The following USP44 variants were observed in gnomAD, a reference collection of about 807,000 sequenced individuals.
The protein encoded by USP44 is ubiquitin specific peptidase 44.
A neutral mutation model predicts 69.0 loss-of-function variants in USP44; 61 were observed. The observed-to-expected ratio is 0.88, with a 90% confidence interval of 0.72 to 1.09. The LOEUF is 1.09. Among genes scored for constraint, USP44 ranks in the 50% least tolerant of loss-of-function variants. USP44 has a pLI of 0.00. For synonymous variants in USP44, 297 were observed against 295.4 expected (o/e 1.01, Z -0.06); for missense variants, 753 against 849.9 (o/e 0.89, Z 1.42).
At chr12:95,521,856 C>T (rs1322843069) in intron 4 of USP44, among the ~76,000 whole-genome samples, 1 of 152,122 alleles carries the variant, frequency 6.6e-6, no homozygotes, top group African/African-American at 2.4e-5. Context: ...ATGGGAGCTA[C>T]AATCTGGATC....
rs543002189 is a variant in USP44 at position 95,542,962 on chromosome 12, C to G, written c.-71+8310G>C. Among the ~76,000 whole-genome samples the G allele has an allele frequency of 5.3e-5, 8 of 151,338 alleles. No individual in the cohort carries two copies. In the South Asian group the frequency reaches 1.7e-3, roughly 32 times the overall value. ...AATTAGCCAGGTATGGTGGTGGGCGCCTGTAGTCCCAGCTACTCAGGAGGC... is the reference window on the plus strand; with the variant it reads ...AATTAGCCAGGTATGGTGGTGGGCGGCTGTAGTCCCAGCTACTCAGGAGGC... On this transcript the variant is annotated intron_variant, in intron 1 of 5. Transcript: ENST00000258499.
intron 4 of USP44, among the ~76,000 whole-genome samples, chr12:95,523,117 G>A (rs1473301077): frequency 2.0e-5 from 3 of 152,134 alleles, no homozygotes; most frequent in Non-Finnish European, 4.4e-5. Flanking sequence ...CACAAGCCAT[G>A]CCCTACACAT....
intron 1 of USP44, among the ~76,000 whole-genome samples, chr12:95,544,247 G>A (rs2077500146): frequency 1.3e-5 from 2 of 151,618 alleles, no homozygotes; most frequent in South Asian, 4.2e-4. Flanking sequence ...AGTAGAGACA[G>A]GGTTTCACTG....
chr12:95,518,052 GTA>G lies in USP44; in HGVS notation c.*100_*101del. On this transcript the variant is annotated 3_prime_UTR_variant, in exon 6 of 6. Transcript: ENST00000258499. Reference sequence around the variant, plus strand: ...GTTAGATATAAAATGTATAAATGTAGTATACACTGATTCACAAGAAAAAATGA... The same window carrying G: ...GTTAGATATAAAATGTATAAATGTAGTACACTGATTCACAAGAAAAAATGA... The G allele has an allele frequency of 8.0e-7, 1 of 1,256,826 alleles. No individual in the cohort carries two copies. The highest frequency in any genetic ancestry group is 2.5e-5 in the East Asian group (1 of 40,636). The allele number at this position is 1,256,826 out of a possible 1,614,324, so 77.9% of individuals were successfully genotyped here. A position where few individuals can be genotyped will look rare whatever the true frequency, so the allele number is the denominator to read the frequency against.
chr12:95,530,748 C>T (rs1158707869), intron 2 of USP44, among the ~76,000 whole-genome samples: 2 of 152,082 alleles, frequency 1.3e-5, no homozygotes, highest in Non-Finnish European at 2.9e-5. Flanking sequence ...AGAAGTCTTA[C>T]TCTGACAAAG....
At position 95,528,999 on chromosome 12, in the gene USP44, T is replaced by C. The variant is rs776605558; in HGVS notation, c.1432A>G (p.Thr478Ala). 1.2e-6 allele frequency: 2 copies of C among 1,608,128 alleles called. No homozygotes were observed. Among genetic ancestry groups the C allele is most frequent in the Non-Finnish European group, 1.7e-6 (2 of 1,177,078 alleles). Residue 478 changes from threonine (T) to alanine (A), a missense_variant, in exon 3 of 6, where the codon ACA becomes GCA. Transcript: ENST00000258499. ...GATTTGTTGTCACATGCAAGACATG[T>C]AACCTGCAAATGAGAATATGAGTTC... is the stretch of plus-strand genomic sequence containing the variant. ...IFHGQLLSQVTCLACDNKSNT... is the reference protein window; with the variant it reads ...IFHGQLLSQVACLACDNKSNT...
chr12:95,535,869 C>T (rs1457059946), intron 1 of USP44, among the ~76,000 whole-genome samples: 1 of 152,010 alleles, frequency 6.6e-6, no homozygotes. Context: ...TTCAACGGTA[C>T]CTGCAAGTGC....
At chr12:95,519,981 C>T (rs1428260876) in intron 5 of USP44, among the ~76,000 whole-genome samples, 1 of 124,828 alleles carries the variant, frequency 8.0e-6, no homozygotes. Flanking sequence ...GTACTCTAGC[C>T]CAGGGGAAAG....
chr12:95,527,904 T>C (rs1409722471), intron 3 of USP44, among the ~76,000 whole-genome samples: 1 of 141,078 alleles, frequency 7.1e-6, no homozygotes, highest in East Asian at 2.2e-4. Flanking sequence ...AGTGGCACAA[T>C]CTCAGCTCAC....
At chr12:95,543,451 A>C (rs1435457568) in intron 1 of USP44, among the ~76,000 whole-genome samples, 2 of 151,432 alleles carry the variant, frequency 1.3e-5, no homozygotes, top group African/African-American at 4.8e-5. Flanking sequence ...GAAAATAGTA[A>C]GTCCCAAACT....
At chr12:95,518,659 G>T (rs1381906255) in intron 5 of USP44, among the ~76,000 whole-genome samples, 1 of 152,096 alleles carries the variant, frequency 6.6e-6, no homozygotes, top group Non-Finnish European at 1.5e-5. Context: ...CCAAAATCTG[G>T]CCAGGCATGG....
chr12:95,547,981 A>C (rs2077627274), intron 1 of USP44: 1 of 152,160 alleles, frequency 6.6e-6, no homozygotes, highest in Non-Finnish European at 1.5e-5. Context: ...ATGGTGTCTT[A>C]CCTACTCTTA....
At chr12:95,524,216 G>A (rs1298763650) in intron 4 of USP44, among the ~76,000 whole-genome samples, 2 of 151,922 alleles carry the variant, frequency 1.3e-5, no homozygotes, top group Non-Finnish European at 2.9e-5. Context: ...GAGCAGCTAG[G>A]ATTACAGGCA....
chr12:95,519,320 T>C (rs1304873840), intron 5 of USP44, among the ~76,000 whole-genome samples: 1 of 152,098 alleles, frequency 6.6e-6, no homozygotes, highest in Non-Finnish European at 1.5e-5. Flanking sequence ...ATGAATTTCA[T>C]GTCTAAACCT....
At chr12:95,519,786 A>T (rs12813389) in intron 5 of USP44, among the ~76,000 whole-genome samples, 94,490 of 148,222 alleles carry the variant, frequency 0.64, 31,209 homozygotes, top group African/African-American at 0.81. Flanking sequence ...ACGCCTGTAA[A>T]CCCGGCACTT....
intron 1 of USP44, among the ~76,000 whole-genome samples, chr12:95,549,417 G>T (rs2077682531): frequency 1.3e-5 from 2 of 152,064 alleles, no homozygotes; most frequent in Admixed American, 1.3e-4. Context: ...TTTAAATAAT[G>T]AAGTACATAC....
chr12:95,529,741 T>A (rs941755089), intron 2 of USP44, among the ~76,000 whole-genome samples: 1 of 152,134 alleles, frequency 6.6e-6, no homozygotes, highest in African/African-American at 2.4e-5. Context: ...CTTTTGCTGA[T>A]TTTTCTTCCT....
Position 95,533,293 on chromosome 12 carries a change from T to A in USP44, c.964A>T (p.Lys322Ter), listed in dbSNP as rs1368528620. ...ACTGTATCTGTGACTGGTGGATGCTTACAAGATCTTGTCTTCTCGCTAGCA... is the reference window on the plus strand; with the variant it reads ...ACTGTATCTGTGACTGGTGGATGCTAACAAGATCTTGTCTTCTCGCTAGCA... Reference protein sequence around the residue: ...MTASEKTRSCKHPPVTDTVVY... With the variant: ...MTASEKTRSC Residue 322 changes from lysine to a stop codon, truncating the protein, a stop_gained, in exon 2 of 6, where the codon AAG (lysine) becomes TAG (stop). Coordinates refer to ENST00000258499, the MANE Select transcript of USP44 (RefSeq NM_032147.5). LOFTEE classifies it high-confidence loss of function. 6.2e-7 allele frequency: 1 copy of A among 1,614,028 alleles called. No homozygotes were observed. The highest frequency in any genetic ancestry group is 1.7e-5 in the Admixed American group (1 of 60,006).
At chr12:95,532,238 G>C (rs1039816718) in intron 2 of USP44, among the ~76,000 whole-genome samples, 1 of 144,564 alleles carries the variant, frequency 6.9e-6, no homozygotes, top group African/African-American at 2.6e-5. Flanking sequence ...TGTGATTTCA[G>C]CTCATTGCAA....
Sources: gnomAD v4.1 joint callset for allele counts (sites outside exome capture counted in the v4.1 genomes callset) on GRCh38, gnomAD v4.1.1 for gene constraint, MANE v1.5 for transcripts, NCBI Gene and HGNC (gene_info 2026-07-23, HGNC 2026-07-21) for gene names.